Variants in NUFIP2 observed in about 807,000 individuals in gnomAD.
NUFIP2 encodes nuclear FMR1 interacting protein 2, also known as FMR1-interacting protein NUFIP2.
A neutral mutation model predicts 56.9 loss-of-function variants in NUFIP2; 6 were observed. That is an observed-to-expected ratio of 0.11 (90% CI 0.06 to 0.21). The LOEUF is 0.21. Among genes scored for constraint, NUFIP2 ranks in the 10% least tolerant of loss-of-function variants. The pLI, the probability that NUFIP2 is intolerant of heterozygous loss-of-function variation, is 1.00. For synonymous variants in NUFIP2, 321 were observed against 298.2 expected, an observed-to-expected ratio of 1.08 and a Z score of -0.79; for missense variants, 828 against 826.8, an observed-to-expected ratio of 1.00 and a Z score of -0.02.
intron 1 of NUFIP2, among the ~76,000 whole-genome samples, chr17:29,292,004 C>T (rs942001748): frequency 2.6e-5 from 4 of 152,160 alleles, no homozygotes; most frequent in African/African-American, 9.7e-5. Flanking sequence ...TTAACATACG[C>T]TTTCTTACGC....
chr17:29,270,360 T>C (rs767087406), intron 2 of NUFIP2, among the ~76,000 whole-genome samples: 9 of 151,526 alleles, frequency 5.9e-5, no homozygotes, highest in Non-Finnish European at 1.3e-4. Context: ...TCGGAAATTC[T>C]AGTCACAGAA....
At chr17:29,284,706 C>CAAAA (rs66700326) in intron 2 of NUFIP2, among the ~76,000 whole-genome samples, 20 of 53,576 alleles carry the variant, frequency 3.7e-4, no homozygotes, top group South Asian at 9.1e-4. Flanking sequence ...GACTCCATCT[C>CAAAA]AAAAAAAAAA....
At chr17:29,285,964 A>G (rs749895857) in intron 2 of NUFIP2, 28 bp downstream of exon 2, 1 of 1,546,678 alleles carries the variant, frequency 6.5e-7, no homozygotes. Flanking sequence ...GCCAATAAAA[A>G]TCTTTGTATA....
rs762966831 is a variant in NUFIP2 at position 29,286,374 on chromosome 17, A to G, written c.1620T>C (p.Tyr540=). ...KVMEVTFQGE[Y]PATLVSQGAE... is the part of the protein sequence containing the mutation. ...CACCCTGTGAAACCAAAGTAGCAGG[A>G]TATTCTCCTTGAAATGTCACCTCCA... is the stretch of plus-strand genomic sequence containing the variant. Residue 540 remains tyrosine, a synonymous_variant, in exon 2 of 4, where the codon TAT becomes TAC. Coordinates refer to ENST00000225388, the MANE Select transcript of NUFIP2 (RefSeq NM_020772.3). The G allele has an allele frequency of 6.2e-7, 1 of 1,614,110 alleles. No individual in the cohort carries two copies. Among genetic ancestry groups the G allele is most frequent in the Non-Finnish European group, 8.5e-7 (1 of 1,179,992 alleles).
At position 29,287,072 on chromosome 17, in the gene NUFIP2, G is replaced by A; in HGVS notation, c.922C>T (p.Pro308Ser). 6.2e-7 allele frequency: 1 copy of A among 1,614,132 alleles called. No individual in the cohort carries two copies. The highest frequency in any genetic ancestry group is 8.5e-7 in the Non-Finnish European group (1 of 1,180,026). ...DMLRKSSDSK[P>S]GVSSKKFDDR... ...TCAAACTTTTTGCTGCTCACACCAG[G>A]TTTACTATCTGAGCTTTTCCGAAGC... The change falls in exon 2 of 4, where the codon CCT (proline) becomes TCT (serine). Residue 308 changes from proline (P) to serine (S), a missense_variant. Around this residue, in one of 3 missense-constraint regions of NUFIP2, gnomAD observed 415 missense variants for 408.7 expected, o/e 1.02. Coordinates refer to ENST00000225388, the MANE Select transcript of NUFIP2 (RefSeq NM_020772.3).
intron 1 of NUFIP2, among the ~76,000 whole-genome samples, chr17:29,292,931 A>G (rs1467517821): frequency 7.2e-6 from 1 of 138,626 alleles, no homozygotes; most frequent in Non-Finnish European, 1.6e-5. Flanking sequence ...CCCGCAGTGC[A>G]GGGGGCGAGG....
At chr17:29,276,150 G>A (rs2069107237) in intron 2 of NUFIP2, among the ~76,000 whole-genome samples, 1 of 151,836 alleles carries the variant, frequency 6.6e-6, no homozygotes, top group African/African-American at 2.4e-5. Context: ...CCTAGCACTT[G>A]ACACAATAGC....
intron 1 of NUFIP2, among the ~76,000 whole-genome samples, chr17:29,292,665 T>C (rs1311572802): frequency 7.2e-6 from 1 of 138,652 alleles, no homozygotes; most frequent in Admixed American, 7.2e-5. Flanking sequence ...CCTCCTTCCC[T>C]CTCAGCTCCG....
chr17:29,273,186 C>A (rs1163220737), intron 2 of NUFIP2, among the ~76,000 whole-genome samples: 1 of 152,068 alleles, frequency 6.6e-6, no homozygotes, highest in African/African-American at 2.4e-5. Flanking sequence ...ACTACAGGTG[C>A]ACGTCACCAT....
chr17:29,292,880 A>AG (rs2069225463), intron 1 of NUFIP2, among the ~76,000 whole-genome samples: 1 of 63,008 alleles, frequency 1.6e-5, no homozygotes, highest in African/African-American at 5.8e-5. Flanking sequence ...CCGGCCGGCG[A>AG]CGGGGGGGGG....
chr17:29,266,561 T>G (rs2069038144), intron 3 of NUFIP2, among the ~76,000 whole-genome samples: 1 of 151,986 alleles, frequency 6.6e-6, no homozygotes, highest in South Asian at 2.1e-4. Context: ...TGTATACTAT[T>G]CAATTCAAAA....
At chr17:29,271,678 TAA>T (rs1462367304) in intron 2 of NUFIP2, among the ~76,000 whole-genome samples, 4 of 152,162 alleles carry the variant, frequency 2.6e-5, no homozygotes, top group African/African-American at 4.8e-5. Context: ...GATCAAAATT[TAA>T]AAGTTTCCCT....
chr17:29,260,694 T>G lies in NUFIP2; in HGVS notation c.*3845A>C, dbSNP rs1342490756. The G allele has an allele frequency of 6.6e-6, 1 of 152,194 alleles. No homozygotes were observed. The highest frequency in any genetic ancestry group is 1.5e-5 in the Non-Finnish European group (1 of 68,028). 9.4% of individuals were successfully genotyped at this position (152,194 alleles called of 1,614,324 possible). On this transcript the variant is annotated 3_prime_UTR_variant, in exon 4 of 4. Transcript: ENST00000225388. The stretch of plus-strand genomic sequence containing the variant: ...ACTATGTAATGTTTTTTCAAAATTT[T>G]GTATTGTGGACAACTCCCATAGTTG...
intron 1 of NUFIP2, among the ~76,000 whole-genome samples, chr17:29,292,697 C>G (rs1482858013): frequency 1.3e-5 from 2 of 149,936 alleles, no homozygotes; most frequent in African/African-American, 2.4e-5. Flanking sequence ...GCTCCCCGCC[C>G]CGACTGCCCG....
chr17:29,268,567 G>C (rs149082658), intron 2 of NUFIP2, among the ~76,000 whole-genome samples: 1 of 152,102 alleles, frequency 6.6e-6, no homozygotes, highest in East Asian at 1.9e-4. Flanking sequence ...GCCCAGGCTG[G>C]AGCGCAATGG....
At position 29,259,590 on chromosome 17, in the gene NUFIP2, G is replaced by T. The variant is rs77869361; in HGVS notation, c.*4949C>A. On this transcript the variant is annotated 3_prime_UTR_variant, in exon 4 of 4. Coordinates refer to ENST00000225388, the MANE Select transcript of NUFIP2 (RefSeq NM_020772.3). Reference sequence around the variant, plus strand: ...CAGTCCGTCTCAAAAAAAAAAAGGTGGGGGGGGGGGGGATACTGCAGTATT... The same window carrying T: ...CAGTCCGTCTCAAAAAAAAAAAGGTTGGGGGGGGGGGGATACTGCAGTATT... 15 of 5,278 alleles carry T rather than the reference G, an allele frequency of 2.8e-3. No individual in the cohort carries two copies. Among genetic ancestry groups the T allele is most frequent in the South Asian group, 5.0e-3 (1 of 200 alleles). The allele number at this position is 5,278 out of a possible 1,614,324, so 0.3% of individuals were successfully genotyped here.
chr17:29,268,368 T>C (rs781252818), intron 2 of NUFIP2, among the ~76,000 whole-genome samples: 3 of 152,234 alleles, frequency 2.0e-5, no homozygotes, highest in Non-Finnish European at 4.4e-5. Context: ...TATTTCTTGG[T>C]AATCCACTGA....
In NUFIP2 at chr17:29,278,884, A is replaced by G. The variant is rs559301328; in HGVS notation, c.2002+7108T>C. ...CAGTCAGTATGGGTACTAAACAGCC[A>G]GTATGAGTTCTCTCACTGGGAGAAA... is the stretch of plus-strand genomic sequence containing the variant. On this transcript the variant is annotated intron_variant, in intron 2 of 3. Coordinates refer to ENST00000225388, the MANE Select transcript of NUFIP2 (RefSeq NM_020772.3). 9.8e-5 allele frequency among the ~76,000 whole-genome samples: 15 copies of G among 152,356 alleles called. No individual in the cohort carries two copies. In the East Asian group the frequency reaches 2.7e-3, roughly 27 times the overall value.
chr17:29,263,036 G>A lies in NUFIP2; in HGVS notation c.*1503C>T, dbSNP rs2069013163. ...CAGGGGATCCAGTCTACTTTTATCA[G>A]AAGACTACAACTCTTTATATAAATG... On this transcript the variant is annotated 3_prime_UTR_variant, in exon 4 of 4. Coordinates refer to ENST00000225388, the MANE Select transcript of NUFIP2 (RefSeq NM_020772.3). 6.6e-6 allele frequency: 1 copy of A among 152,554 alleles called. No individual in the cohort carries two copies. The allele number at this position is 152,554 out of a possible 1,614,324, so 9.5% of individuals were successfully genotyped here.
Sources: allele counts gnomAD v4.1 joint callset (sites outside exome capture counted in the v4.1 genomes callset), GRCh38; gene constraint gnomAD v4.1.1; regional missense constraint gnomAD v4.1.1; transcripts MANE v1.5; gene names NCBI Gene and HGNC (gene_info 2026-07-23, HGNC 2026-07-21).